FREM1: variants seen among roughly 807,000 people sequenced by gnomAD.
FREM1 encodes the protein FRAS1 related extracellular matrix 1.
A neutral mutation model predicts 210.1 loss-of-function variants in FREM1; 220 were observed. The ratio of observed to expected loss-of-function variants is 1.05; its 90% CI spans 0.94 to 1.17. The LOEUF is 1.17. FREM1 is among the 50% of genes most tolerant of loss of function. The probability of loss-of-function intolerance (pLI) is 0.00; values close to 1 mark genes in which losing one functional copy is unlikely to be tolerated. For synonymous variants in FREM1, 1,189 were observed against 980.2 expected, an observed-to-expected ratio of 1.21 and a Z score of -3.98; for missense variants, 3,454 against 2,675.5, an observed-to-expected ratio of 1.29 and a Z score of -6.42.
intron 29 of FREM1, 22 bp from the exon 30 acceptor site, chr9:14,750,298 A>G: frequency 1.3e-6 from 2 of 1,577,872 alleles, no homozygotes; most frequent in Non-Finnish European, 8.7e-7. Context: ...AAACATTTTA[A>G]TTACTCTTTA....
At chr9:14,790,972 T>C (rs1037408688) in intron 22 of FREM1, 1 of 152,278 alleles carries the variant, frequency 6.6e-6, no homozygotes, top group South Asian at 2.1e-4. Flanking sequence ...TGATTCTCTA[T>C]GGTGCCTACA....
intron 8 of FREM1, among the ~76,000 whole-genome samples, chr9:14,844,144 AT>A (rs1826181854): frequency 2.0e-5 from 3 of 152,030 alleles, no homozygotes; most frequent in Admixed American, 2.0e-4. Flanking sequence ...CCATCAATGC[AT>A]TATGGTCTCC....
intron 20 of FREM1, among the ~76,000 whole-genome samples, chr9:14,798,438 T>G (rs77077617): frequency 0.04 from 6,059 of 151,962 alleles, 147 homozygotes; most frequent in Non-Finnish European, 0.053. Context: ...TAATGAGACC[T>G]TGTCTTTAAA....
chr9:14,826,901 T>A (rs1246211390), intron 10 of FREM1, among the ~76,000 whole-genome samples: 1 of 152,182 alleles, frequency 6.6e-6, no homozygotes, highest in Non-Finnish European at 1.5e-5. Flanking sequence ...GCTGGCAACT[T>A]GGTCTTGGAC....
chr9:14,827,750 C>A (rs781033191), intron 10 of FREM1, among the ~76,000 whole-genome samples: 1 of 152,176 alleles, frequency 6.6e-6, no homozygotes, highest in East Asian at 1.9e-4. Context: ...AATGCCAGGG[C>A]CTTGAGGACA....
chr9:14,786,480 G>T (rs1200575103), intron 23 of FREM1, among the ~76,000 whole-genome samples: 1 of 152,142 alleles, frequency 6.6e-6, no homozygotes. Flanking sequence ...CATCAAAGTG[G>T]TACAATTTTA....
intron 1 of FREM1, among the ~76,000 whole-genome samples, chr9:14,884,050 G>A (rs1835313798): frequency 6.6e-6 from 1 of 152,106 alleles, no homozygotes; most frequent in Non-Finnish European, 1.5e-5. Context: ...CTAACACGGC[G>A]AAACCCTGCC....
Position 14,806,743 on chromosome 9 carries a change from C to G in FREM1, c.3192G>C (p.Leu1064Phe). 6.2e-7 allele frequency: 1 copy of G among 1,605,288 alleles called. No homozygotes were observed. ...DTAADDLEFV[L>F]VSPPQFGYLE... Reference sequence around the variant, plus strand: ...GGTAGCCAAACTGAGGAGGAGAAACCAAAACAAATTCCAAGTCATCTGCTG... The same window carrying G: ...GGTAGCCAAACTGAGGAGGAGAAACGAAAACAAATTCCAAGTCATCTGCTG... The change falls in exon 18 of 37, where the codon TTG becomes TTC. Residue 1064 changes from leucine (L) to phenylalanine (F), a missense_variant. By Grantham distance (22) the Leu-to-Phe change is conservative. Coordinates refer to ENST00000380880, the MANE Select transcript of FREM1 (RefSeq NM_001379081.2).
chr9:14,841,322 G>T, intron 10 of FREM1, 125 bp downstream of exon 10: 1 of 747,206 alleles, frequency 1.3e-6, no homozygotes, highest in Non-Finnish European at 2.0e-6. Flanking sequence ...GCTTAATTTT[G>T]TTTAATCGAT....
At chr9:14,851,683 T>A (rs1443666588) in intron 5 of FREM1, 76 bp from the exon 6 acceptor site, 2 of 1,146,710 alleles carry the variant, frequency 1.7e-6, no homozygotes, top group Admixed American at 1.7e-5. Flanking sequence ...AATAGCATAA[T>A]ATTTAATACA....
chr9:14,850,864 G>A lies in FREM1; in HGVS notation c.1152+420C>T, dbSNP rs570177471. 9.2e-5 allele frequency among the ~76,000 whole-genome samples: 14 copies of A among 152,340 alleles called. No homozygotes were observed. In the South Asian group the frequency reaches 2.9e-3, roughly 32 times the overall value. ...AGCCCTGGGTCAAATGTGGCCCTCAGAAATATTTGGTAGCTAGCACAATAC... is the reference window on the plus strand; with the variant it reads ...AGCCCTGGGTCAAATGTGGCCCTCAAAAATATTTGGTAGCTAGCACAATAC... On this transcript the variant is annotated intron_variant, in intron 6 of 36. Transcript: ENST00000380880.
At chr9:14,893,829 G>A (rs796702784) in intron 1 of FREM1, among the ~76,000 whole-genome samples, 55 of 152,220 alleles carry the variant, frequency 3.6e-4, no homozygotes, top group African/African-American at 1.3e-3. Context: ...AGCAAGTTGT[G>A]GAAGGTTTGT....
In FREM1 at chr9:14,805,156, G is replaced by T; in HGVS notation, c.3275-4C>A. 6.5e-7 allele frequency: 1 copy of T among 1,534,700 alleles called. No individual in the cohort carries two copies. The highest frequency in any genetic ancestry group is 8.8e-7 in the Non-Finnish European group (1 of 1,139,488). On this transcript the variant is annotated splice_polypyrimidine_tract_variant and splice_region_variant and intron_variant, in intron 18 of 36. Transcript: ENST00000380880. ...ATGTCTTTCCACTGAAATGAATCTA[G>T]AGCACACCAAGATGGAACAGATAAA...
In FREM1 at chr9:14,759,835, A is replaced by T. The variant is rs747038714; in HGVS notation, c.5271T>A (p.Gly1757=). 1 of 1,612,842 alleles carries T rather than the reference A, an allele frequency of 6.2e-7. No individual in the cohort carries two copies. Among genetic ancestry groups the T allele is most frequent in the South Asian group, 1.1e-5 (1 of 90,844 alleles). ...TTCTGATAATTTCCAAGGGCAACAA[A>T]CCCACATTCTCACAGACTTCATATT... The part of the protein sequence containing the change: ...QTEYEVCENV[G]LLPLEIIRRG... The change falls in exon 28 of 37, where the codon GGT becomes GGA. Residue 1757 remains glycine (G), a synonymous_variant. Transcript: ENST00000380880.
intron 16 of FREM1, among the ~76,000 whole-genome samples, chr9:14,812,336 C>T (rs756978157): frequency 4.6e-5 from 7 of 152,158 alleles, no homozygotes; most frequent in Non-Finnish European, 1.0e-4. Flanking sequence ...TTGCTGTGGG[C>T]AAGTCATATA....
intron 16 of FREM1, among the ~76,000 whole-genome samples, chr9:14,812,302 T>C (rs116120268): frequency 0.019 from 2,932 of 152,302 alleles, 99 homozygotes; most frequent in African/African-American, 0.067. Context: ...TTTCTGTACA[T>C]CTAACCTGTG....
intron 21 of FREM1, among the ~76,000 whole-genome samples, chr9:14,793,091 T>C (rs1349387986): frequency 6.6e-6 from 1 of 152,226 alleles, no homozygotes; most frequent in Non-Finnish European, 1.5e-5. Flanking sequence ...GGGTCAGCCC[T>C]AATGAATGTG....
chr9:14,873,275 T>C (rs924066010), intron 1 of FREM1, among the ~76,000 whole-genome samples: 1 of 152,212 alleles, frequency 6.6e-6, no homozygotes, highest in African/African-American at 2.4e-5. Context: ...TCTGGTAGAA[T>C]TCGGCTGTGA....
chr9:14,777,416 G>C (rs1303592934), intron 24 of FREM1, among the ~76,000 whole-genome samples: 1 of 152,104 alleles, frequency 6.6e-6, no homozygotes, highest in Non-Finnish European at 1.5e-5. Flanking sequence ...CAATGGGACT[G>C]ACAAATTCAC....
Sources: allele counts gnomAD v4.1 joint callset (sites outside exome capture counted in the v4.1 genomes callset), GRCh38; gene constraint gnomAD v4.1.1; transcripts MANE v1.5; gene names NCBI Gene and HGNC (gene_info 2026-07-23, HGNC 2026-07-21).